Variants in KIF5C observed in about 807,000 individuals in gnomAD.
KIF5C encodes kinesin family member 5C, also known as kinesin heavy chain isoform 5C.
Under a neutral mutation model 125.2 loss-of-function variants are expected in KIF5C, and 18 were observed. The ratio of observed to expected loss-of-function variants is 0.14; its 90% confidence interval spans 0.10 to 0.21. The LOEUF (loss-of-function observed/expected upper bound fraction) is 0.21. Ranked by LOEUF, KIF5C falls within the 10% of genes least tolerant of loss-of-function variation. The pLI is 1.00. For synonymous variants in KIF5C, 405 were observed against 434.0 expected, an observed-to-expected ratio of 0.93 and a Z score of 0.83; for missense variants, 780 against 1,183.8, an observed-to-expected ratio of 0.66 and a Z score of 5.01.
At chr2:148,893,238 C>T (rs997319094) in intron 1 of KIF5C, among the ~76,000 whole-genome samples, 33 of 152,162 alleles carry the variant, frequency 2.2e-4, no homozygotes, top group African/African-American at 7.7e-4. Flanking sequence ...ACTCTTTGGT[C>T]TCTTTTGAAC....
At chr2:149,010,678 A>G (rs1574836483) in intron 24 of KIF5C, among the ~76,000 whole-genome samples, 1 of 152,228 alleles carries the variant, frequency 6.6e-6, no homozygotes, top group Non-Finnish European at 1.5e-5. Flanking sequence ...GAATAGGAGG[A>G]TATTTCTCTG....
In KIF5C at chr2:148,942,043, A is replaced by G. The variant is rs374838707; in HGVS notation, c.501+53A>G. The G allele has an allele frequency of 3.5e-4, 563 of 1,587,366 alleles. 1 individual carries two copies. Among genetic ancestry groups the G allele is most frequent in the Non-Finnish European group, 4.6e-4 (541 of 1,164,516 alleles). Reference sequence around the variant, plus strand: ...AATTAATTTCTCTCCAGTCTCTGTCATAATAATTATTACATAAGATGTGCA... The same window carrying G: ...AATTAATTTCTCTCCAGTCTCTGTCGTAATAATTATTACATAAGATGTGCA... On this transcript the variant is annotated intron_variant, in intron 6 of 25. Transcript: ENST00000435030.
chr2:148,973,604 C>T, intron 12 of KIF5C, 93 bp downstream of exon 12: 1 of 1,442,438 alleles, frequency 6.9e-7, no homozygotes, highest in Admixed American at 2.9e-5. Flanking sequence ...GGGCTACAGC[C>T]CGATCTTTGT....
intron 19 of KIF5C, 144 bp downstream of exon 19, chr2:148,998,653 G>A: frequency 7.4e-7 from 1 of 1,344,906 alleles, no homozygotes; most frequent in Non-Finnish European, 1.0e-6. Context: ...AGGCTGGGCG[G>A]GCTGCTTCCA....
chr2:149,006,874 G>A (rs1682024515), intron 22 of KIF5C, among the ~76,000 whole-genome samples: 1 of 152,158 alleles, frequency 6.6e-6, no homozygotes, highest in Admixed American at 6.5e-5. Context: ...AAAAGGTTCA[G>A]TCCGAGGAAG....
intron 1 of KIF5C, among the ~76,000 whole-genome samples, chr2:148,899,222 C>A (rs1227721340): frequency 6.6e-6 from 1 of 152,106 alleles, no homozygotes; most frequent in East Asian, 1.9e-4. Flanking sequence ...CATAGAAAGC[C>A]ATATCTTACT....
At chr2:149,020,663 A>T (rs1421772451) in intron 25 of KIF5C, among the ~76,000 whole-genome samples, 1 of 152,180 alleles carries the variant, frequency 6.6e-6, no homozygotes, top group Non-Finnish European at 1.5e-5. Context: ...GCCTCCAGGC[A>T]CGCAGAACGG....
rs1399221448 is a variant in KIF5C, at chr2:148,924,279, G to C, written c.217+2052G>C. Among the ~76,000 whole-genome samples the C allele has an allele frequency of 6.6e-6, 1 of 152,104 alleles. No individual in the cohort carries two copies. Among genetic ancestry groups the C allele is most frequent in the Non-Finnish European group, 1.5e-5 (1 of 68,010 alleles). ...ATCAAGATTGGGAGGCGGTGCTGTG[G>C]AGCCCTTTTTTTCTAGAGGCTAATA... is the stretch of plus-strand genomic sequence containing the variant. On this transcript the variant is annotated intron_variant, in intron 2 of 25. Transcript: ENST00000435030. This position sits in a 1 kb window ranked among gnomAD's most constrained non-coding sequence, Gnocchi z 4.0.
At chr2:148,912,424 A>G (rs1331739187) in intron 1 of KIF5C, among the ~76,000 whole-genome samples, 1 of 152,240 alleles carries the variant, frequency 6.6e-6, no homozygotes, top group Non-Finnish European at 1.5e-5. Flanking sequence ...AGCAACAAAA[A>G]GTTTTTAAAG....
intron 3 of KIF5C, among the ~76,000 whole-genome samples, chr2:148,935,761 A>T (rs1052241419): frequency 6.6e-6 from 1 of 152,200 alleles, no homozygotes; most frequent in Non-Finnish European, 1.5e-5. Context: ...AGCCCTTCTC[A>T]TGTCACTAAG....
intron 15 of KIF5C, among the ~76,000 whole-genome samples, chr2:148,988,583 C>A (rs1558934791): frequency 1.3e-5 from 2 of 152,118 alleles, no homozygotes; most frequent in Admixed American, 6.5e-5. Flanking sequence ...GCTGTGAATT[C>A]CATGTGGAAG....
chr2:149,000,713 G>A lies in KIF5C; in HGVS notation c.2313-9G>A, dbSNP rs985196936. 1 of 1,612,900 alleles carries A rather than the reference G, an allele frequency of 6.2e-7. No individual in the cohort carries two copies. Among genetic ancestry groups the A allele is most frequent in the Admixed American group, 1.7e-5 (1 of 59,758 alleles). ...CTGTGGTGGTCTATGGTTCCTTTTT[G>A]TTTTTCAGATTGCTCAACGATAAAA... On this transcript the variant is annotated splice_polypyrimidine_tract_variant and intron_variant, in intron 20 of 25. Coordinates refer to ENST00000435030, the MANE Select transcript of KIF5C (RefSeq NM_004522.3).
chr2:148,885,793 C>T (rs1347218295), intron 1 of KIF5C: 1 of 152,164 alleles, frequency 6.6e-6, no homozygotes, highest in East Asian at 1.9e-4. Flanking sequence ...TCTTTGGCTG[C>T]AGGGTATGTT....
intron 1 of KIF5C, among the ~76,000 whole-genome samples, chr2:148,891,864 A>G (rs1283366729): frequency 6.6e-6 from 1 of 151,886 alleles, no homozygotes; most frequent in Non-Finnish European, 1.5e-5. Context: ...TGCCTGGCTA[A>G]TTTTTGTATT....
chr2:149,022,701 A>G (rs1682567876), intron 25 of KIF5C, among the ~76,000 whole-genome samples: 1 of 152,102 alleles, frequency 6.6e-6, no homozygotes, highest in Non-Finnish European at 1.5e-5. Flanking sequence ...AGGTGGGTGG[A>G]TCACCTGAGG....
intron 1 of KIF5C, among the ~76,000 whole-genome samples, chr2:148,906,878 T>C (rs780917018): frequency 1.3e-4 from 20 of 151,344 alleles, no homozygotes; most frequent in Non-Finnish European, 2.8e-4. Flanking sequence ...AATAAATAGA[T>C]AAATTAATTA....
intron 9 of KIF5C, 144 bp downstream of exon 9, chr2:148,950,087 G>C (rs747321992): frequency 2.9e-6 from 4 of 1,371,668 alleles, no homozygotes; most frequent in Non-Finnish European, 3.9e-6. Context: ...ATGGATGCCT[G>C]CTTGCTGGGA....
intron 25 of KIF5C, among the ~76,000 whole-genome samples, chr2:149,021,494 CTG>C (rs1187790098): frequency 6.6e-6 from 1 of 151,632 alleles, no homozygotes; most frequent in Admixed American, 6.6e-5. Context: ...CCTTTCTAGA[CTG>C]AGAATTTTTC....
Position 148,875,569 on chromosome 2 carries a change from G to GCCCCCGGGCCCCCCCCCCCCCC in KIF5C, c.-45_-44insCGGGCCCCCCCCCCCCCCCCCC. ...GCGGCCTCCTCCCTCGTCGTTCCCGGCCCCGGCCCCCCACCCATCCCCGTG... is the reference window on the plus strand; with the variant it reads ...GCGGCCTCCTCCCTCGTCGTTCCCGGCCCCCGGGCCCCCCCCCCCCCCCCCCGGCCCCCCACCCATCCCCGTG... On this transcript the variant is annotated 5_prime_UTR_variant, in exon 1 of 26. Coordinates refer to ENST00000435030, the MANE Select transcript of KIF5C (RefSeq NM_004522.3). 2 of 689,866 alleles carry GCCCCCGGGCCCCCCCCCCCCCC rather than the reference G, an allele frequency of 2.9e-6. No homozygotes were observed. The highest frequency in any genetic ancestry group is 5.3e-6 in the Non-Finnish European group (2 of 380,192). 42.7% of individuals were successfully genotyped at this position (689,866 alleles called of 1,614,324 possible). A position where few individuals can be genotyped will look rare whatever the true frequency, so the allele number is the denominator to read the frequency against.
Sources: gnomAD v4.1 joint callset for allele counts (sites outside exome capture counted in the v4.1 genomes callset) on GRCh38, gnomAD v4.1.1 for gene constraint, Gnocchi (gnomAD v3.1) non-coding constraint, MANE v1.5 for transcripts, NCBI Gene and HGNC (gene_info 2026-07-23, HGNC 2026-07-21) for gene names.